The following CEP162 variants were observed in gnomAD, a reference collection of about 807,000 sequenced individuals.
The protein encoded by CEP162 is centrosomal protein of 162 kDa.
Under a neutral mutation model 169.2 loss-of-function variants are expected in CEP162, and 141 were observed. The observed-to-expected ratio is 0.83, with a 90% CI of 0.73 to 0.96. The LOEUF (loss-of-function observed/expected upper bound fraction) is 0.96, where lower values mean the gene tolerates loss of function less well. Ranked by LOEUF, CEP162 falls within the 40% of genes least tolerant of loss-of-function variation. CEP162 has a pLI of 0.00. For synonymous variants in CEP162, 540 were observed against 526.4 expected (o/e 1.03, Z -0.35); for missense variants, 1,600 against 1,587.2 (o/e 1.01, Z -0.14).
Position 84,215,890 on chromosome 6 carries a change from T to C in CEP162, c.205A>G (p.Thr69Ala), listed in dbSNP as rs1330115223. Residue 69 changes from threonine to alanine, a missense_variant, in exon 4 of 27, where the codon ACA becomes GCA. By Grantham distance (58) the Thr-to-Ala change is moderately conservative. Coordinates refer to ENST00000403245, the MANE Select transcript of CEP162 (RefSeq NM_014895.4). ...ATAACAGGCTGAGAAGTCTTCTTTG[T>C]TTTCAAATAGCTCACATTTGTTCCA... is the stretch of plus-strand genomic sequence containing the variant. The part of the protein sequence containing the change: ...LLGTNVSYLK[T>A]KKTSQPVMEI... 5 of 1,575,388 alleles carry C rather than the reference T, an allele frequency of 3.2e-6. No individual in the cohort carries two copies. The highest frequency in any genetic ancestry group is 3.5e-6 in the Non-Finnish European group (4 of 1,159,236).
chr6:84,212,011 T>C (rs1297936567), intron 6 of CEP162, among the ~76,000 whole-genome samples: 2 of 148,538 alleles, frequency 1.3e-5, no homozygotes, highest in South Asian at 2.1e-4. Context: ...CAAAAGACAA[T>C]AGAATAAAAT....
At chr6:84,184,046 T>G (rs755465996) in intron 13 of CEP162, among the ~76,000 whole-genome samples, 1 of 151,960 alleles carries the variant, frequency 6.6e-6, no homozygotes, top group Non-Finnish European at 1.5e-5. Context: ...CAGCATATAC[T>G]CTCCCTTCCT....
At chr6:84,175,435 T>C (rs116994215) in intron 13 of CEP162, 88 bp from the exon 14 acceptor site, 1 of 935,194 alleles carries the variant, frequency 1.1e-6, no homozygotes, top group East Asian at 2.9e-5. Flanking sequence ...AAAAATACAA[T>C]GGAAACACAA....
At chr6:84,185,787 T>C (rs2099536912) in intron 12 of CEP162, among the ~76,000 whole-genome samples, 2 of 152,124 alleles carry the variant, frequency 1.3e-5, no homozygotes, top group Admixed American at 1.3e-4. Context: ...TCAAGATGCT[T>C]TAAAAATTTT....
chr6:84,192,668 A>T (rs1257906564), intron 11 of CEP162, among the ~76,000 whole-genome samples: 1 of 152,254 alleles, frequency 6.6e-6, no homozygotes. Flanking sequence ...ACAAATGAAC[A>T]AATGACAACA....
chr6:84,159,523 T>TATATATATATATATATA (rs1554166778), intron 21 of CEP162, among the ~76,000 whole-genome samples: 18 of 37,140 alleles, frequency 4.8e-4, no homozygotes, highest in South Asian at 1.2e-3. Flanking sequence ...AATTAATTAT[T>TATATATATATATATATA]TATATATATA....
intron 7 of CEP162, among the ~76,000 whole-genome samples, chr6:84,202,293 C>T (rs1308457557): frequency 6.6e-6 from 1 of 152,076 alleles, no homozygotes; most frequent in African/African-American, 2.4e-5. Flanking sequence ...CTTAGAATAA[C>T]TTTTCCTATT....
At chr6:84,165,328 A>C (rs552311629) in intron 18 of CEP162, among the ~76,000 whole-genome samples, 2 of 152,054 alleles carry the variant, frequency 1.3e-5, no homozygotes, top group Non-Finnish European at 2.9e-5. Context: ...GGACATCAAA[A>C]AATAAAAATG....
At chr6:84,219,708 G>A (rs577070539) in intron 3 of CEP162, among the ~76,000 whole-genome samples, 72 of 152,306 alleles carry the variant, frequency 4.7e-4, no homozygotes, top group African/African-American at 1.7e-3. Context: ...GAACAGAGAA[G>A]TAACTGTCAA....
intron 22 of CEP162, among the ~76,000 whole-genome samples, chr6:84,154,322 A>ATCTGTCTGTCTG (rs1250658122): frequency 3.0e-5 from 4 of 134,866 alleles, no homozygotes; most frequent in South Asian, 2.1e-4. Context: ...ATATCTATCT[A>ATCTGTCTGTCTG]TCTATCTATC....
At chr6:84,162,216 G>A (rs1562028908) in intron 19 of CEP162, among the ~76,000 whole-genome samples, 1 of 151,980 alleles carries the variant, frequency 6.6e-6, no homozygotes, top group Non-Finnish European at 1.5e-5. Context: ...GTTTCCATGG[G>A]AAAATAAATG....
At chr6:84,191,225 T>A (rs376473932) in intron 11 of CEP162, among the ~76,000 whole-genome samples, 1 of 150,996 alleles carries the variant, frequency 6.6e-6, no homozygotes, top group Admixed American at 6.6e-5. Flanking sequence ...GGGCAGGAAG[T>A]GGATTGAGAA....
At chr6:84,169,252 T>TA (rs1453242149) in intron 18 of CEP162, 76 bp downstream of exon 18, 2 of 812,042 alleles carry the variant, frequency 2.5e-6, no homozygotes, top group Admixed American at 6.4e-5. Context: ...AATTTTTTAA[T>TA]AAAAATTTGT....
At chr6:84,138,647 G>A (rs938878677) in intron 25 of CEP162, among the ~76,000 whole-genome samples, 7 of 152,124 alleles carry the variant, frequency 4.6e-5, no homozygotes, top group Admixed American at 6.5e-5. Context: ...CATGTGCTGC[G>A]TCTTCTATTT....
intron 25 of CEP162, among the ~76,000 whole-genome samples, chr6:84,142,230 T>C (rs891207173): frequency 6.6e-6 from 1 of 152,220 alleles, no homozygotes; most frequent in Non-Finnish European, 1.5e-5. Context: ...GTAAAAAGTT[T>C]GGCCAGCTAA....
At chr6:84,191,413 C>T (rs2099539837) in intron 11 of CEP162, among the ~76,000 whole-genome samples, 1 of 152,100 alleles carries the variant, frequency 6.6e-6, no homozygotes, top group Non-Finnish European at 1.5e-5. Flanking sequence ...GAAAATAAAC[C>T]CCTATTCCCA....
intron 25 of CEP162, among the ~76,000 whole-genome samples, chr6:84,130,100 C>T (rs954261161): frequency 4.6e-5 from 7 of 152,164 alleles, no homozygotes; most frequent in African/African-American, 1.7e-4. Flanking sequence ...AAGGCCTCTT[C>T]TGCATCTATA....
Position 84,155,287 on chromosome 6 carries a change from T to C in CEP162, c.2994+11A>G, listed in dbSNP as rs1302206938. On this transcript the variant is annotated intron_variant, in intron 22 of 26. Transcript: ENST00000403245. ...CTCTGACCTTTATCTCTGAGGCTAC[T>C]TACCACTTACCTTCATTTTCTGAAA... 1.9e-6 allele frequency: 3 copies of C among 1,609,218 alleles called. No individual in the cohort carries two copies. The highest frequency in any genetic ancestry group is 1.7e-5 in the Admixed American group (1 of 59,800).
intron 25 of CEP162, among the ~76,000 whole-genome samples, chr6:84,145,666 C>G (rs118041093): frequency 0.018 from 2,744 of 152,190 alleles, 29 homozygotes; most frequent in Middle Eastern, 0.031. Context: ...ACCCTCCTGC[C>G]TTGGAATCAC....
Sources: allele counts gnomAD v4.1 joint callset (sites outside exome capture counted in the v4.1 genomes callset), GRCh38; gene constraint gnomAD v4.1.1; transcripts MANE v1.5; gene names NCBI Gene and HGNC (gene_info 2026-07-23, HGNC 2026-07-21).